FHIT: variants seen among roughly 807,000 people sequenced by gnomAD.
FHIT encodes bis(5'-adenosyl)-triphosphatase.
In FHIT, 19 loss-of-function variants were observed where a neutral mutation model predicts 17.9. That is an observed-to-expected ratio of 1.06 (90% CI 0.74 to 1.56). The LOEUF (loss-of-function observed/expected upper bound fraction) is 1.56, where lower values mean the gene tolerates loss of function less well. Ranked by LOEUF, FHIT falls within the 40% of genes most tolerant of loss-of-function variation. The probability of loss-of-function intolerance (pLI) is 0.00; values close to 1 mark genes in which losing one functional copy is unlikely to be tolerated. For synonymous variants in FHIT, 81 were observed against 69.7 expected (o/e 1.16, Z -0.81); for missense variants, 248 against 189.2 (o/e 1.31, Z -1.82).
rs34126057 is a variant in FHIT, at chr3:60,578,205, G to A, written c.-17-41226C>T. The stretch of plus-strand genomic sequence containing the variant: ...TGTAATCCCAGCACTTTGGGAGGCC[G>A]AGGTGGGTGGATCACAAGGTCAAGA... On this transcript the variant is annotated intron_variant, in intron 4 of 9. Coordinates refer to ENST00000492590, the MANE Select transcript of FHIT (RefSeq NM_002012.4). Among the ~76,000 whole-genome samples, 492 of 152,158 alleles carry A rather than the reference G, an allele frequency of 3.2e-3. 1 individual carries two copies. The highest frequency in any genetic ancestry group is 0.01 in the Middle Eastern group (3 of 294).
intron 3 of FHIT, among the ~76,000 whole-genome samples, chr3:60,871,095 G>T (rs539419789): frequency 6.6e-6 from 1 of 152,090 alleles, no homozygotes; most frequent in Non-Finnish European, 1.5e-5. Context: ...TCCATCTGTG[G>T]TTCTTGCCTT....
chr3:60,508,472 G>A (rs772049469), intron 5 of FHIT, among the ~76,000 whole-genome samples: 2 of 152,174 alleles, frequency 1.3e-5, no homozygotes, highest in Admixed American at 6.5e-5. Context: ...GAATAATGGT[G>A]TGAGCATAAA....
chr3:60,015,734 G>A (rs1016786962), intron 5 of FHIT, among the ~76,000 whole-genome samples: 2 of 152,168 alleles, frequency 1.3e-5, no homozygotes, highest in East Asian at 1.9e-4. Flanking sequence ...ACAGCAACTC[G>A]GTGGGGGAGG....
At chr3:61,124,879 AT>A (rs1295224241) in intron 2 of FHIT, among the ~76,000 whole-genome samples, 3 of 152,062 alleles carry the variant, frequency 2.0e-5, no homozygotes, top group African/African-American at 7.2e-5. Flanking sequence ...AGTGTTTTCC[AT>A]TTGCCAGCTC....
At chr3:60,074,844 A>C (rs1031830434) in intron 5 of FHIT, among the ~76,000 whole-genome samples, 8 of 152,034 alleles carry the variant, frequency 5.3e-5, no homozygotes, top group African/African-American at 1.9e-4. Flanking sequence ...GGGAAACTTT[A>C]CTGTTTTCAC....
chr3:61,201,431 A>G (rs1355423493), intron 1 of FHIT, among the ~76,000 whole-genome samples: 1 of 152,232 alleles, frequency 6.6e-6, no homozygotes, highest in East Asian at 1.9e-4. Flanking sequence ...TACAGTCACC[A>G]GTAATGGGAA....
intron 4 of FHIT, among the ~76,000 whole-genome samples, chr3:60,818,966 C>G (rs562705832): frequency 1.5e-4 from 23 of 152,014 alleles, no homozygotes; most frequent in African/African-American, 5.5e-4. Context: ...CAGCTCCCCT[C>G]CAGAATCTGT....
At chr3:60,729,234 A>G (rs2041978943) in intron 4 of FHIT, among the ~76,000 whole-genome samples, 1 of 152,228 alleles carries the variant, frequency 6.6e-6, no homozygotes, top group South Asian at 2.1e-4. Flanking sequence ...AATTACATGA[A>G]TGCATACTTC....
At chr3:60,361,136 C>A (rs537154132) in intron 5 of FHIT, among the ~76,000 whole-genome samples, 9 of 152,286 alleles carry the variant, frequency 5.9e-5, no homozygotes, top group African/African-American at 1.7e-4. Flanking sequence ...CCACCAAATA[C>A]CAAGTACTGG....
chr3:60,568,986 T>TC (rs2037241749), intron 4 of FHIT, among the ~76,000 whole-genome samples: 1 of 151,646 alleles, frequency 6.6e-6, no homozygotes, highest in Admixed American at 6.6e-5. Flanking sequence ...TTCTTTTTTT[T>TC]TTTTTCCTTT....
chr3:60,090,309 C>T (rs144285870), intron 5 of FHIT, among the ~76,000 whole-genome samples: 414 of 152,282 alleles, frequency 2.7e-3, no homozygotes, highest in African/African-American at 9.5e-3. Context: ...TCTCTTCATA[C>T]CCATCACTGG....
At chr3:60,464,285 A>T (rs1203003274) in intron 5 of FHIT, among the ~76,000 whole-genome samples, 2 of 152,174 alleles carry the variant, frequency 1.3e-5, no homozygotes, top group African/African-American at 4.8e-5. Context: ...GGATATTTTG[A>T]TGCAGGAATA....
At chr3:60,308,006 G>C (rs1372413464) in intron 5 of FHIT, among the ~76,000 whole-genome samples, 1 of 152,172 alleles carries the variant, frequency 6.6e-6, no homozygotes, top group Non-Finnish European at 1.5e-5. Context: ...TCCTCATAAT[G>C]TCATTTGGAG....
chr3:60,241,678 G>T (rs1409253066), intron 5 of FHIT, among the ~76,000 whole-genome samples: 1 of 152,032 alleles, frequency 6.6e-6, no homozygotes, highest in Non-Finnish European at 1.5e-5. Flanking sequence ...TAAATATACT[G>T]TTTCTGCGGA....
chr3:60,603,734 T>C (rs1157158716), intron 4 of FHIT, among the ~76,000 whole-genome samples: 2 of 152,098 alleles, frequency 1.3e-5, no homozygotes, highest in African/African-American at 4.8e-5. Context: ...ATTGTGAATA[T>C]CCACCCTCAT....
chr3:60,925,324 C>A (rs1366947877), intron 3 of FHIT, among the ~76,000 whole-genome samples: 1 of 152,112 alleles, frequency 6.6e-6, no homozygotes, highest in Non-Finnish European at 1.5e-5. Context: ...GTCGGGTTAC[C>A]CACAAAGGGA....
intron 8 of FHIT, among the ~76,000 whole-genome samples, chr3:59,763,324 C>A (rs574106303): frequency 6.6e-6 from 1 of 152,310 alleles, no homozygotes; most frequent in South Asian, 2.1e-4. Flanking sequence ...CGCAAACACA[C>A]AACTAAGAGA....
chr3:61,065,205 C>T (rs2034559686), intron 2 of FHIT, among the ~76,000 whole-genome samples: 1 of 151,988 alleles, frequency 6.6e-6, no homozygotes, highest in South Asian at 2.1e-4. Context: ...TGAGTTTTCA[C>T]AGTGAGTAAT....
At chr3:60,744,851 A>T (rs75741096) in intron 4 of FHIT, among the ~76,000 whole-genome samples, 8,249 of 152,306 alleles carry the variant, frequency 0.054, 301 homozygotes, top group African/African-American at 0.096. Context: ...TTATTTGGCC[A>T]ATCATGTAAT....
Sources: allele counts gnomAD v4.1 joint callset (sites outside exome capture counted in the v4.1 genomes callset), GRCh38; gene constraint gnomAD v4.1.1; transcripts MANE v1.5; gene names NCBI Gene and HGNC (gene_info 2026-07-23, HGNC 2026-07-21).